The following PRDM4 variants were observed in gnomAD, a reference collection of about 807,000 sequenced individuals.
PRDM4 encodes PR domain zinc finger protein 4.
Under a neutral mutation model 62.3 loss-of-function variants are expected in PRDM4, and 38 were observed. The observed-to-expected ratio is 0.61, with a 90% CI of 0.47 to 0.80. The LOEUF is 0.80. Ranked by LOEUF, PRDM4 falls within the 30% of genes least tolerant of loss-of-function variation. The pLI is 0.00. For synonymous variants in PRDM4, 339 were observed against 348.2 expected (o/e 0.97, Z 0.30); for missense variants, 858 against 997.1 (o/e 0.86, Z 1.88).
chr12:107,753,952 C>A lies in PRDM4; in HGVS notation c.303G>T (p.Glu101Asp). ...TLPPPPYPHL[E>D]SSYFRTILPG... ...GTAGAATGGTTCTGAAATAACTGCT[C>A]TCCAGGTGAGGGTAAGGTGGTGGAG... The change falls in exon 4 of 12, where the codon GAG (glutamate) becomes GAT (aspartate). Residue 101 changes from glutamate to aspartate, a missense_variant. Coordinates refer to ENST00000228437, the MANE Select transcript of PRDM4 (RefSeq NM_012406.4). 1 of 1,613,988 alleles carries A rather than the reference C, an allele frequency of 6.2e-7. No homozygotes were observed. The highest frequency in any genetic ancestry group is 8.5e-7 in the Non-Finnish European group (1 of 1,179,986).
Position 107,733,973 on chromosome 12 carries a change from C to T in PRDM4, c.*237G>A, listed in dbSNP as rs1002941102. On this transcript the variant is annotated 3_prime_UTR_variant, in exon 12 of 12. Coordinates refer to ENST00000228437, the MANE Select transcript of PRDM4 (RefSeq NM_012406.4). Reference sequence around the variant, plus strand: ...TGTAAATAAAGACCTCAGAAGTTGACACTTCCCTCCCAGTCCACCACTTAA... The same window carrying T: ...TGTAAATAAAGACCTCAGAAGTTGATACTTCCCTCCCAGTCCACCACTTAA... 30 of 442,934 alleles carry T rather than the reference C, an allele frequency of 6.8e-5. No individual in the cohort carries two copies. The highest frequency in any genetic ancestry group is 4.0e-4 in the Admixed American group (10 of 25,108). 27.4% of individuals were successfully genotyped at this position (442,934 alleles called of 1,614,324 possible). A position where few individuals can be genotyped will look rare whatever the true frequency, so the allele number is the denominator to read the frequency against.
At chr12:107,735,777 A>G (rs1191695450) in intron 11 of PRDM4, among the ~76,000 whole-genome samples, 1 of 129,542 alleles carries the variant, frequency 7.7e-6, no homozygotes, top group Non-Finnish European at 1.6e-5. Context: ...TTTTTTTTTG[A>G]GTAGCTGAAC....
chr12:107,736,561 G>A (rs1407622352), intron 11 of PRDM4: 2 of 152,212 alleles, frequency 1.3e-5, no homozygotes. Context: ...CATCATAAAG[G>A]GCCTTCTGAC....
chr12:107,756,783 G>A (rs1485670125), intron 3 of PRDM4, 49 bp downstream of exon 3: 4 of 1,604,430 alleles, frequency 2.5e-6, no homozygotes, highest in African/African-American at 1.3e-5. Context: ...ATTTAGAATT[G>A]ATAACAGAGT....
At position 107,733,123 on chromosome 12, in the gene PRDM4, A is replaced by T. The variant is rs1278944718; in HGVS notation, c.*1087T>A. The T allele has an allele frequency of 6.6e-6, 1 of 152,426 alleles. No homozygotes were observed. The highest frequency in any genetic ancestry group is 1.5e-5 in the Non-Finnish European group (1 of 68,044). The allele number at this position is 152,426 out of a possible 1,614,324, so 9.4% of individuals were successfully genotyped here. Reference sequence around the variant, plus strand: ...GCATGGGTGACTTAACTAAGCTGGGACCCTGAAAACAGGCCCATGTGGTCA... The same window carrying T: ...GCATGGGTGACTTAACTAAGCTGGGTCCCTGAAAACAGGCCCATGTGGTCA... On this transcript the variant is annotated 3_prime_UTR_variant, in exon 12 of 12. Coordinates refer to ENST00000228437, the MANE Select transcript of PRDM4 (RefSeq NM_012406.4).
At chr12:107,743,634 G>A (rs529370355) in intron 7 of PRDM4, among the ~76,000 whole-genome samples, 90 of 152,328 alleles carry the variant, frequency 5.9e-4, no homozygotes, top group Non-Finnish European at 8.1e-4. Flanking sequence ...ATTAAGGGCA[G>A]AGGATCATCC....
In PRDM4 at chr12:107,756,895, GC is replaced by G; in HGVS notation, c.81del (p.Leu27PhefsTer35). On this transcript the variant is annotated frameshift_variant, in exon 3 of 12. Transcript: ENST00000228437. LOFTEE classifies it high-confidence loss of function. Reference protein sequence around the residue: ...QLTSSSVSNALPVSGSHLGLA... With the variant: ...QLTSSSVSNAXPVSGSHLGLA... ...AATCCCAGGTGACTTCCTGAGACTGGCAAGGCATTGCTCACAGAGGATGAAG... is the reference window on the plus strand; with the variant it reads ...AATCCCAGGTGACTTCCTGAGACTGGAAGGCATTGCTCACAGAGGATGAAG... 1 of 1,614,124 alleles carries G rather than the reference GC, an allele frequency of 6.2e-7. No individual in the cohort carries two copies. The highest frequency in any genetic ancestry group is 8.5e-7 in the Non-Finnish European group (1 of 1,180,004).
intron 11 of PRDM4, 123 bp downstream of exon 11, chr12:107,739,260 C>T: frequency 9.0e-7 from 1 of 1,113,998 alleles, no homozygotes; most frequent in East Asian, 2.5e-5. Flanking sequence ...AAGGCATCTA[C>T]CATGGTACCA....
At chr12:107,748,903 A>G (rs1890807234) in intron 5 of PRDM4, among the ~76,000 whole-genome samples, 1 of 152,212 alleles carries the variant, frequency 6.6e-6, no homozygotes, top group Non-Finnish European at 1.5e-5. Flanking sequence ...AAGCTTATTT[A>G]GGCCACCTCC....
At chr12:107,756,732 A>C (rs948037350) in intron 3 of PRDM4, 100 bp downstream of exon 3, 23 of 1,408,532 alleles carry the variant, frequency 1.6e-5, no homozygotes, top group East Asian at 2.4e-5. Flanking sequence ...TCTCCCTTCT[A>C]CCTTCTACCC....
At chr12:107,751,238 G>C (rs1375388030) in intron 5 of PRDM4, among the ~76,000 whole-genome samples, 177 bp downstream of exon 5, 2 of 152,164 alleles carry the variant, frequency 1.3e-5, no homozygotes, top group African/African-American at 4.8e-5. Flanking sequence ...TATATCATTT[G>C]GCTTACTTGA....
intron 11 of PRDM4, among the ~76,000 whole-genome samples, chr12:107,737,336 C>G (rs796226292): frequency 4.6e-5 from 7 of 152,194 alleles, no homozygotes; most frequent in African/African-American, 1.7e-4. Context: ...CCAACGATCT[C>G]CATAGGAAGC....
chr12:107,742,140 T>C (rs1017156497), intron 9 of PRDM4, 81 bp downstream of exon 9: 6 of 1,436,186 alleles, frequency 4.2e-6, no homozygotes, highest in Admixed American at 4.4e-5. Flanking sequence ...TCAGCTAACA[T>C]GTAAATCATT....
At chr12:107,739,252 G>A in intron 11 of PRDM4, 131 bp downstream of exon 11, 1 of 977,370 alleles carries the variant, frequency 1.0e-6, no homozygotes, top group South Asian at 2.1e-5. Context: ...GAACACAGAA[G>A]GCATCTACCA....
At chr12:107,738,848 A>G (rs893498133) in intron 11 of PRDM4, among the ~76,000 whole-genome samples, 2 of 130,648 alleles carry the variant, frequency 1.5e-5, no homozygotes, top group Admixed American at 1.7e-4. Flanking sequence ...TTAAGATAAC[A>G]ATTTTTTTTT....
Position 107,746,430 on chromosome 12 carries a change from G to A in PRDM4, c.1127-6C>T, listed in dbSNP as rs1214782013. ...GCGGTCACACAGAGTACACCCTGTA[G>A]ATGGCAAATTTGAGCAATACAAATG... is the stretch of plus-strand genomic sequence containing the variant. On this transcript the variant is annotated splice_polypyrimidine_tract_variant and splice_region_variant and intron_variant, in intron 5 of 11. Transcript: ENST00000228437. 6.4e-7 allele frequency: 1 copy of A among 1,568,280 alleles called. No individual in the cohort carries two copies. Among genetic ancestry groups the A allele is most frequent in the Middle Eastern group, 1.7e-4 (1 of 5,938 alleles).
chr12:107,742,557 T>C, intron 8 of PRDM4: 1 of 563,408 alleles, frequency 1.8e-6, no homozygotes, highest in Non-Finnish European at 3.1e-6. Flanking sequence ...TGATGACCTT[T>C]TGTAGTCAAA....
chr12:107,740,414 G>C (rs1331789982), intron 10 of PRDM4, among the ~76,000 whole-genome samples: 3 of 152,118 alleles, frequency 2.0e-5, no homozygotes, highest in Non-Finnish European at 4.4e-5. Context: ...CTGAGTCCTG[G>C]AGGCAGAAGT....
Position 107,751,513 on chromosome 12 carries a change from A to G in PRDM4, c.1028T>C (p.Val343Ala). Reference protein sequence around the residue: ...TQEVAMGTGHVDVSSDSLSFV... With the variant: ...TQEVAMGTGHADVSSDSLSFV... ...AGAAAGACTGTCTGAAGATACATCT[A>G]CATGACCTGTCCCCATAGCAACCTC... Residue 343 changes from valine to alanine, a missense_variant, in exon 5 of 12, where the codon GTA becomes GCA. Transcript: ENST00000228437. 6.2e-7 allele frequency: 1 copy of G among 1,613,236 alleles called. No homozygotes were observed. The highest frequency in any genetic ancestry group is 8.5e-7 in the Non-Finnish European group (1 of 1,179,136).
Sources: gnomAD v4.1 joint callset for allele counts (sites outside exome capture counted in the v4.1 genomes callset) on GRCh38, gnomAD v4.1.1 for gene constraint, MANE v1.5 for transcripts, NCBI Gene and HGNC (gene_info 2026-07-23, HGNC 2026-07-21) for gene names.